Variants in PHC3 observed in about 807,000 individuals in gnomAD.
PHC3 encodes the protein polyhomeotic-like protein 3.
Under a neutral mutation model 107.4 loss-of-function variants are expected in PHC3, and 13 were observed. That is an observed-to-expected ratio of 0.12 (90% confidence interval 0.08 to 0.19). The LOEUF is 0.19. PHC3 is among the 10% of genes least tolerant of loss of function. The probability of loss-of-function intolerance (pLI) is 1.00; values close to 1 mark genes in which losing one functional copy is unlikely to be tolerated. For synonymous variants in PHC3, 456 were observed against 427.4 expected (o/e 1.07, Z -0.83); for missense variants, 992 against 1,210.9 (o/e 0.82, Z 2.68).
chr3:170,163,270 T>C (rs1430025013), intron 4 of PHC3, among the ~76,000 whole-genome samples: 1 of 152,108 alleles, frequency 6.6e-6, no homozygotes, highest in Non-Finnish European at 1.5e-5. Flanking sequence ...AAAAAAAAGT[T>C]TTTTCCCTTT....
chr3:170,172,862 A>T lies in PHC3; in HGVS notation c.181-150T>A, dbSNP rs1577270798. Reference sequence around the variant, plus strand: ...TATTAACATTATTTCTTTCCTAGTTACATATCACTAGAAATCACTAACTTG... The same window carrying T: ...TATTAACATTATTTCTTTCCTAGTTTCATATCACTAGAAATCACTAACTTG... On this transcript the variant is annotated intron_variant, in intron 2 of 14. Transcript: ENST00000495893. The T allele has an allele frequency of 9.9e-6, 9 of 909,538 alleles. No homozygotes were observed. The East Asian group carries it at 2.4e-4, about 24-fold the overall frequency. The allele number at this position is 909,538 out of a possible 1,614,324, so 56.3% of individuals were successfully genotyped here. A position where few individuals can be genotyped will look rare whatever the true frequency, so the allele number is the denominator to read the frequency against.
chr3:170,105,200 AAT>A (rs1716252567), intron 12 of PHC3, among the ~76,000 whole-genome samples: 1 of 152,164 alleles, frequency 6.6e-6, no homozygotes, highest in Non-Finnish European at 1.5e-5. Flanking sequence ...CCTTTCCCCA[AAT>A]TTTTAGAGTT....
At chr3:170,126,522 ATATATATT>A (rs1560059060) in intron 8 of PHC3, among the ~76,000 whole-genome samples, 1 of 80,760 alleles carries the variant, frequency 1.2e-5, no homozygotes, top group Non-Finnish European at 2.4e-5. Flanking sequence ...ATATATATAT[ATATATATT>A]TTTTTTTTTT....
rs193066152 is a variant in PHC3, at chr3:170,161,046, G to T, written c.414+10327C>A. Among the ~76,000 whole-genome samples, 1,368 of 152,268 alleles carry T rather than the reference G, an allele frequency of 9.0e-3. 8 individuals carry two copies. Among genetic ancestry groups the T allele is most frequent in the Non-Finnish European group, 0.014 (966 of 68,020 alleles). ...ATTAATATCATTACATATTCTAGTT[G>T]ATACTTACTACCTACCATACATCTT... On this transcript the variant is annotated intron_variant, in intron 4 of 14. Coordinates refer to ENST00000495893, the MANE Select transcript of PHC3 (RefSeq NM_024947.4).
rs139629979 is a variant in PHC3 at position 170,101,557 on chromosome 3, G to A, written c.2833+922C>T. ...TGTATCAAGAGAAATGATATGATTC[G>A]CAATAAAACCAAAAGGAAATAAATT... On this transcript the variant is annotated intron_variant, in intron 14 of 14. Transcript: ENST00000495893. Among the ~76,000 whole-genome samples, 906 of 152,110 alleles carry A rather than the reference G, an allele frequency of 6.0e-3. 9 individuals carry two copies. The highest frequency in any genetic ancestry group is 0.021 in the African/African-American group (857 of 41,522).
intron 9 of PHC3, among the ~76,000 whole-genome samples, chr3:170,121,770 ATTAT>A (rs970777603): frequency 2.6e-5 from 4 of 152,232 alleles, no homozygotes; most frequent in Admixed American, 2.0e-4. Flanking sequence ...TTTGGAAAGC[ATTAT>A]TTAAATCTTT....
intron 4 of PHC3, among the ~76,000 whole-genome samples, chr3:170,163,235 G>C (rs906913304): frequency 1.3e-5 from 2 of 151,674 alleles, no homozygotes; most frequent in Non-Finnish European, 2.9e-5. Context: ...ATCTTGTCTA[G>C]CATCATAACT....
chr3:170,157,898 A>G (rs1042233356), intron 4 of PHC3, among the ~76,000 whole-genome samples: 5 of 151,776 alleles, frequency 3.3e-5, no homozygotes, highest in African/African-American at 1.2e-4. Context: ...AAAATAGTCA[A>G]TGCAGGTTTA....
chr3:170,109,767 CATT>C (rs1717262259), intron 11 of PHC3, among the ~76,000 whole-genome samples: 1 of 152,088 alleles, frequency 6.6e-6, no homozygotes, highest in African/African-American at 2.4e-5. Flanking sequence ...TGGAGACTCT[CATT>C]ATAGAACCAG....
chr3:170,128,516 AT>A (rs878885056), intron 8 of PHC3, 167 bp downstream of exon 8: 155,275 of 837,700 alleles, frequency 0.19, 41 homozygotes, highest in East Asian at 0.24. Context: ...AAACAATGGC[AT>A]TTTTTTTTTT....
At chr3:170,165,435 A>G (rs1728563992) in intron 4 of PHC3, among the ~76,000 whole-genome samples, 1 of 152,102 alleles carries the variant, frequency 6.6e-6, no homozygotes, top group Non-Finnish European at 1.5e-5. Context: ...AGAAGCCAAT[A>G]CCCAGATAAC....
chr3:170,110,465 A>C (rs1022859778), intron 11 of PHC3, among the ~76,000 whole-genome samples: 3 of 152,168 alleles, frequency 2.0e-5, no homozygotes, highest in Non-Finnish European at 4.4e-5. Context: ...TTTATCCTAA[A>C]TCTATGCATT....
chr3:170,171,469 T>C lies in PHC3; in HGVS notation c.337-19A>G. ...AACTTGCCTAAAATAGTAAGACTTT[T>C]AGAATATGTCGGTAAAAACCTGAAG... On this transcript the variant is annotated intron_variant, in intron 3 of 14. Coordinates refer to ENST00000495893, the MANE Select transcript of PHC3 (RefSeq NM_024947.4). 2 of 1,539,580 alleles carry C rather than the reference T, an allele frequency of 1.3e-6. No individual in the cohort carries two copies. Among genetic ancestry groups the C allele is most frequent in the South Asian group, 2.5e-5 (2 of 79,488 alleles).
Position 170,097,736 on chromosome 3 carries a change from T to C in PHC3, c.2834-352A>G, listed in dbSNP as rs75676257. Among the ~76,000 whole-genome samples, 174 of 152,322 alleles carry C rather than the reference T, an allele frequency of 1.1e-3. No individual in the cohort carries two copies. Among genetic ancestry groups the C allele is most frequent in the Non-Finnish European group, 2.0e-3 (139 of 68,012 alleles). On this transcript the variant is annotated intron_variant, in intron 14 of 14. Coordinates refer to ENST00000495893, the MANE Select transcript of PHC3 (RefSeq NM_024947.4). The surrounding 1 kb of genome is among the most constrained non-coding windows in gnomAD (Gnocchi z 4.1). ...ATAACAGGTTTGGGTTAACTAGTTA[T>C]ACCTCATGCACTTATCTCTGTATAA...
intron 12 of PHC3, among the ~76,000 whole-genome samples, chr3:170,104,980 C>T (rs1342608729): frequency 6.6e-6 from 1 of 152,168 alleles, no homozygotes; most frequent in African/African-American, 2.4e-5. Context: ...GCTAGGCAGA[C>T]ATGTAAATGG....
intron 6 of PHC3, among the ~76,000 whole-genome samples, chr3:170,144,499 GAGT>G (rs1427383527): frequency 1.3e-5 from 2 of 152,110 alleles, no homozygotes; most frequent in African/African-American, 4.8e-5. Flanking sequence ...TAAACATAAG[GAGT>G]AGAACTGCTG....
intron 6 of PHC3, 111 bp from the exon 7 acceptor site, chr3:170,136,776 C>T (rs529862199): frequency 3.3e-5 from 37 of 1,131,284 alleles, no homozygotes; most frequent in African/African-American, 2.9e-4. Flanking sequence ...GCTTTTCATA[C>T]GTAAAGCTCC....
In PHC3 at chr3:170,097,216, G is replaced by A. The variant is rs757501584; in HGVS notation, c.*14C>T. On this transcript the variant is annotated 3_prime_UTR_variant, in exon 15 of 15. Transcript: ENST00000495893. This position sits in a 1 kb window ranked among gnomAD's most constrained non-coding sequence, Gnocchi z 4.1. ...AAAGTAAAACTGCTGTTTTATCAAG[G>A]CTTCATGTTCCTGTTAAGATTCCTT... 1.9e-6 allele frequency: 3 copies of A among 1,587,352 alleles called. No homozygotes were observed. In the African/African-American group the frequency reaches 4.0e-5, roughly 21 times the overall value.
intron 9 of PHC3, among the ~76,000 whole-genome samples, chr3:170,120,311 C>T (rs1719984670): frequency 6.6e-6 from 1 of 152,058 alleles, no homozygotes; most frequent in African/African-American, 2.4e-5. Context: ...ATAGGCCAGG[C>T]GCAGTGGCTC....
Sources: allele counts gnomAD v4.1 joint callset (sites outside exome capture counted in the v4.1 genomes callset), GRCh38; gene constraint gnomAD v4.1.1; non-coding constraint Gnocchi (gnomAD v3.1); transcripts MANE v1.5; gene names NCBI Gene and HGNC (gene_info 2026-07-23, HGNC 2026-07-21).